Variants in ZFYVE16 observed in about 807,000 individuals in gnomAD.
ZFYVE16 encodes the protein zinc finger FYVE-type containing 16.
Under a neutral mutation model 138.1 loss-of-function variants are expected in ZFYVE16, and 89 were observed. The observed-to-expected ratio is 0.64, with a 90% CI of 0.54 to 0.77. ZFYVE16 has a LOEUF of 0.77. Among genes scored for constraint, ZFYVE16 ranks in the 30% least tolerant of loss-of-function variants. The probability of loss-of-function intolerance (pLI) is 0.00; values close to 1 mark genes in which losing one functional copy is unlikely to be tolerated. For missense variants in ZFYVE16, 1,793 were observed against 1,786.7 expected (o/e 1.00, Z -0.06); for synonymous variants, 596 against 618.3 (o/e 0.96, Z 0.53).
chr5:80,463,935 C>T, intron 15 of ZFYVE16, among the ~76,000 whole-genome samples: 1 of 152,194 alleles, frequency 6.6e-6, no homozygotes, highest in East Asian at 1.9e-4. Flanking sequence ...TAGTTCCCAA[C>T]AAGTTCCTCA....
chr5:80,408,795 A>G (rs259053), intron 1 of ZFYVE16, among the ~76,000 whole-genome samples: 130,931 of 152,248 alleles, frequency 0.86, 57,450 homozygotes, highest in Non-Finnish European at 0.94. Flanking sequence ...GTTCTTTCTT[A>G]TTAGTTTGAC....
rs180704956 is a variant in ZFYVE16, at chr5:80,411,254, T to A, written c.-94+3101T>A. On this transcript the variant is annotated intron_variant, in intron 1 of 18. Transcript: ENST00000505560. ...ACCTCAGCCTCCCAAAGTGCTGGGA[T>A]TACAGGCATGAGCCACCACGCTGGC... 2.9e-3 allele frequency among the ~76,000 whole-genome samples: 440 copies of A among 151,366 alleles called. 2 individuals are homozygous for A. Among genetic ancestry groups the A allele is most frequent in the African/African-American group, 0.01 (423 of 41,252 alleles).
intron 15 of ZFYVE16, among the ~76,000 whole-genome samples, chr5:80,463,580 T>G (rs1422421409): frequency 1.3e-5 from 2 of 152,202 alleles, no homozygotes; most frequent in African/African-American, 4.8e-5. Context: ...GGATTAATGT[T>G]TGGCTTCTCA....
At chr5:80,444,820 T>C (rs1237135025) in intron 6 of ZFYVE16, among the ~76,000 whole-genome samples, 4 of 152,036 alleles carry the variant, frequency 2.6e-5, no homozygotes, top group African/African-American at 7.2e-5. Context: ...TACTGCACTT[T>C]TCATCACTGT....
At position 80,477,367 on chromosome 5, in the gene ZFYVE16, A is replaced by G; in HGVS notation, c.4610A>G (p.His1537Arg). ...GAATTAGTGTTTTTCATTATAGAACATCTTTTTTAGTGAAAGAATGTGCCA... is the reference window on the plus strand; with the variant it reads ...GAATTAGTGTTTTTCATTATAGAACGTCTTTTTTAGTGAAAGAATGTGCCA... The part of the protein sequence containing the change: ...EIELVFFIIE[H>R]LF Residue 1537 changes from histidine (H) to arginine (R), a missense_variant, in exon 19 of 19, where the codon CAT (histidine) becomes CGT (arginine). Around this residue, in one of 2 missense-constraint regions of ZFYVE16, gnomAD observed 498 missense variants for 582.4 expected, o/e 0.86. Coordinates refer to ENST00000505560, the MANE Select transcript of ZFYVE16 (RefSeq NM_001284236.3). 1 of 1,604,306 alleles carries G rather than the reference A, an allele frequency of 6.2e-7. No individual in the cohort carries two copies. Among genetic ancestry groups the G allele is most frequent in the Non-Finnish European group, 8.5e-7 (1 of 1,177,284 alleles).
intron 1 of ZFYVE16, among the ~76,000 whole-genome samples, chr5:80,426,270 G>GTATA (rs1243467376): frequency 2.1e-5 from 2 of 94,966 alleles, no homozygotes; most frequent in African/African-American, 7.3e-5. Flanking sequence ...GTGTGTGTGT[G>GTATA]TGTATATATA....
At position 80,483,332 on chromosome 5, in the gene ZFYVE16, GT is replaced by G. The variant is rs376550579; in HGVS notation, c.*5958del. On this transcript the variant is annotated 3_prime_UTR_variant, in exon 19 of 19. Transcript: ENST00000505560. The stretch of plus-strand genomic sequence containing the variant: ...CTGGATAAACCAAATAGACTTACAT[GT>G]TTGTTAAAATATATGTAACTGCTGA... 1.1e-4 allele frequency among the ~76,000 whole-genome samples: 17 copies of G among 152,278 alleles called. 1 individual carries two copies. The highest frequency in any genetic ancestry group is 3.8e-4 in the African/African-American group (16 of 41,562).
chr5:80,478,597 T>G lies in ZFYVE16; in HGVS notation c.*1220T>G, dbSNP rs1000984030. On this transcript the variant is annotated 3_prime_UTR_variant, in exon 19 of 19. Transcript: ENST00000505560. ...TTTAAACATTCTCATGTGTAATATA[T>G]GTTTTTGTATCAAAAACACTCATAT... 6.6e-6 allele frequency: 1 copy of G among 152,142 alleles called. No homozygotes were observed. Among genetic ancestry groups the G allele is most frequent in the Non-Finnish European group, 1.5e-5 (1 of 67,968 alleles). 9.4% of individuals were successfully genotyped at this position (152,142 alleles called of 1,614,324 possible). A position where few individuals can be genotyped will look rare whatever the true frequency, so the allele number is the denominator to read the frequency against.
At chr5:80,408,672 C>A (rs186709478) in intron 1 of ZFYVE16, among the ~76,000 whole-genome samples, 1 of 152,236 alleles carries the variant, frequency 6.6e-6, no homozygotes, top group Non-Finnish European at 1.5e-5. Context: ...ATGCAGTGGC[C>A]GTCTTTCCCG....
chr5:80,450,279 T>C (rs1268228208), intron 9 of ZFYVE16, 152 bp from the exon 10 acceptor site: 4 of 684,808 alleles, frequency 5.8e-6, no homozygotes, highest in African/African-American at 1.8e-5. Context: ...TTACTTTATA[T>C]AAATCTTATA....
intron 16 of ZFYVE16, 53 bp from the exon 17 acceptor site, chr5:80,473,701 T>C: frequency 3.7e-6 from 5 of 1,334,494 alleles, no homozygotes; most frequent in Non-Finnish European, 5.2e-6. Flanking sequence ...AATAATTCAT[T>C]TCAAAAACAC....
chr5:80,436,618 G>A, intron 3 of ZFYVE16, 138 bp from the exon 4 acceptor site: 1 of 671,412 alleles, frequency 1.5e-6, no homozygotes, highest in South Asian at 2.9e-5. Flanking sequence ...AGTTTTGGAG[G>A]TGATTTGTGT....
At position 80,438,229 on chromosome 5, in the gene ZFYVE16, A is replaced by G; in HGVS notation, c.1544A>G (p.Tyr515Cys). ...SNDMDGQDLDYFNIDEGAKSG... is the reference protein window; with the variant it reads ...SNDMDGQDLDCFNIDEGAKSG... ...GATATGGATGGGCAAGACTTAGATT[A>G]CTTTAATATTGATGAAGGCGCAAAA... The change falls in exon 4 of 19, where the codon TAC (tyrosine) becomes TGC (cysteine). Residue 515 changes from tyrosine (Y) to cysteine (C), a missense_variant. Physicochemically the swap from Tyr to Cys is radical, Grantham distance 194. Transcript: ENST00000505560. 1.2e-6 allele frequency: 2 copies of G among 1,614,080 alleles called. No individual in the cohort carries two copies. The highest frequency in any genetic ancestry group is 1.7e-6 in the Non-Finnish European group (2 of 1,179,982).
At chr5:80,450,658 C>T (rs1751891053) in intron 10 of ZFYVE16, 72 bp downstream of exon 10, 4 of 1,428,356 alleles carry the variant, frequency 2.8e-6, no homozygotes, top group Non-Finnish European at 2.8e-6. Flanking sequence ...ATGGTTTTGG[C>T]TGTGCTAGCT....
intron 4 of ZFYVE16, among the ~76,000 whole-genome samples, chr5:80,439,531 C>T (rs1349348881): frequency 6.6e-6 from 1 of 152,096 alleles, no homozygotes; most frequent in Admixed American, 6.5e-5. Flanking sequence ...AATCCTATTA[C>T]ATTTTTATTC....
Position 80,456,528 on chromosome 5 carries a change from A to G in ZFYVE16, c.3758A>G (p.Lys1253Arg). Residue 1253 changes from lysine (K) to arginine (R), a missense_variant, in exon 13 of 19, where the codon AAA becomes AGA. By Grantham distance (26) the Lys-to-Arg change is conservative. This residue lies in a region of ZFYVE16 where 498 missense variants were observed against 582.4 expected (regional missense o/e 0.86). Transcript: ENST00000505560. ...DQLLIHMEMGKSCIKIPRKKY... is the reference protein window; with the variant it reads ...DQLLIHMEMGRSCIKIPRKKY... ...CTGTTGATTCATATGGAAATGGGAAAAAGCTGCATAAAAATACCACGGAAA... is the reference window on the plus strand; with the variant it reads ...CTGTTGATTCATATGGAAATGGGAAGAAGCTGCATAAAAATACCACGGAAA... 1 of 1,613,138 alleles carries G rather than the reference A, an allele frequency of 6.2e-7. No individual in the cohort carries two copies. Among genetic ancestry groups the G allele is most frequent in the Middle Eastern group, 1.7e-4 (1 of 6,050 alleles).
In ZFYVE16 at chr5:80,449,463, T is replaced by TG. The variant is rs1325197675; in HGVS notation, c.3104-127dup. The TG allele has an allele frequency of 1.5e-5, 14 of 954,684 alleles. No homozygotes were observed. The African/African-American group carries it at 2.0e-4, about 14-fold the overall frequency. 59.1% of individuals were successfully genotyped at this position (954,684 alleles called of 1,614,324 possible). A position where few individuals can be genotyped will look rare whatever the true frequency, so the allele number is the denominator to read the frequency against. ...ACAGTTGTCTGGGGTGTTGATTTTA[T>TG]GAAACATGTTTGCTTCTGTTTTTAA... On this transcript the variant is annotated intron_variant, in intron 8 of 18. Transcript: ENST00000505560.
chr5:80,447,391 G>A (rs549905464), intron 7 of ZFYVE16, among the ~76,000 whole-genome samples: 6 of 151,952 alleles, frequency 3.9e-5, no homozygotes, highest in South Asian at 2.1e-4. Context: ...ACAAATAGCC[G>A]TAATTACCAT....
rs972248506 is a variant in ZFYVE16, at chr5:80,420,748, A to G, written c.-93-6744A>G. Among the ~76,000 whole-genome samples, 949 of 152,312 alleles carry G rather than the reference A, an allele frequency of 6.2e-3. 10 individuals carry two copies. Among genetic ancestry groups the G allele is most frequent in the African/African-American group, 0.021 (877 of 41,558 alleles). On this transcript the variant is annotated intron_variant, in intron 1 of 18. Coordinates refer to ENST00000505560, the MANE Select transcript of ZFYVE16 (RefSeq NM_001284236.3). The stretch of plus-strand genomic sequence containing the variant: ...CTTTGCTATTGTGAATAGTGCCGCA[A>G]TAAACATATGTGTGCATGTGTCTTT...
Sources: allele counts gnomAD v4.1 joint callset (sites outside exome capture counted in the v4.1 genomes callset), GRCh38; gene constraint gnomAD v4.1.1; regional missense constraint gnomAD v4.1.1; transcripts MANE v1.5; gene names NCBI Gene and HGNC (gene_info 2026-07-23, HGNC 2026-07-21).